MALRD1: variants seen among roughly 807,000 people sequenced by gnomAD.
MALRD1 encodes the protein MAM and LDL-receptor class A domain-containing protein 1.
MALRD1 carries 247 observed loss-of-function variants against 242.1 expected under a neutral mutation model. That is an observed-to-expected ratio of 1.02 (90% CI 0.92 to 1.13). MALRD1 has a LOEUF of 1.13. Among genes scored for constraint, MALRD1 ranks in the 50% most tolerant of loss-of-function variants. The pLI is 0.00. For missense variants in MALRD1, 2,989 were observed against 2,533.1 expected (o/e 1.18, Z -3.86); for synonymous variants, 995 against 866.6 (o/e 1.15, Z -2.60).
chr10:19,532,053 A>G (rs1336445666), intron 32 of MALRD1, among the ~76,000 whole-genome samples: 1 of 152,180 alleles, frequency 6.6e-6, no homozygotes, highest in East Asian at 1.9e-4. Flanking sequence ...TCTGTAAATA[A>G]TAGCAGCTCT....
At chr10:19,536,188 A>G (rs1229693332) in intron 32 of MALRD1, among the ~76,000 whole-genome samples, 1 of 152,062 alleles carries the variant, frequency 6.6e-6, no homozygotes, top group Non-Finnish European at 1.5e-5. Flanking sequence ...TACCCACAAA[A>G]GACGTGAGGA....
intron 28 of MALRD1, among the ~76,000 whole-genome samples, chr10:19,399,036 T>C (rs1846710859): frequency 6.6e-6 from 1 of 152,186 alleles, no homozygotes; most frequent in South Asian, 2.1e-4. Context: ...TCTCTTCAAA[T>C]GTCATAAGTA....
intron 28 of MALRD1, among the ~76,000 whole-genome samples, chr10:19,391,341 G>T (rs1046893882): frequency 4.6e-5 from 7 of 151,996 alleles, no homozygotes; most frequent in Admixed American, 2.6e-4. Flanking sequence ...GAATATTAGG[G>T]CAATCATTTC....
At chr10:19,295,310 C>A (rs1588870308) in intron 21 of MALRD1, among the ~76,000 whole-genome samples, 1 of 152,002 alleles carries the variant, frequency 6.6e-6, no homozygotes, top group African/African-American at 2.4e-5. Flanking sequence ...AGATGTCTGT[C>A]TTTCTATGTG....
intron 36 of MALRD1, among the ~76,000 whole-genome samples, chr10:19,682,489 A>G (rs1478423922): frequency 1.3e-5 from 2 of 152,216 alleles, no homozygotes; most frequent in Non-Finnish European, 1.5e-5. Flanking sequence ...TCATGTTAAG[A>G]AAACAGGCTC....
chr10:19,478,424 C>A (rs974054118), intron 29 of MALRD1, among the ~76,000 whole-genome samples: 3 of 152,152 alleles, frequency 2.0e-5, no homozygotes, highest in Non-Finnish European at 4.4e-5. Flanking sequence ...GTGCACTCCC[C>A]TCTCAATATA....
chr10:19,087,708 A>G, intron 2 of MALRD1, 132 bp from the exon 3 acceptor site: 1 of 423,446 alleles, frequency 2.4e-6, no homozygotes, highest in Non-Finnish European at 4.0e-6. Context: ...CAATCCAATC[A>G]CGCTCTTTTA....
chr10:19,376,509 A>G (rs1011531658), intron 26 of MALRD1, among the ~76,000 whole-genome samples: 26 of 151,942 alleles, frequency 1.7e-4, no homozygotes, highest in African/African-American at 5.8e-4. Context: ...CAATGGAGGA[A>G]AAAATGTTTG....
intron 36 of MALRD1, among the ~76,000 whole-genome samples, chr10:19,653,205 A>T (rs75575073): frequency 0.011 from 1,645 of 150,368 alleles, 46 homozygotes; most frequent in Admixed American, 0.062. Flanking sequence ...TATTATTATT[A>T]TTTTTTTTTG....
chr10:19,624,608 A>C (rs1161574440), intron 36 of MALRD1, among the ~76,000 whole-genome samples: 1 of 151,926 alleles, frequency 6.6e-6, no homozygotes, highest in Non-Finnish European at 1.5e-5. Flanking sequence ...GCTCACACCT[A>C]TAATCCCAGC....
chr10:19,582,266 C>T (rs1837167540), intron 33 of MALRD1, among the ~76,000 whole-genome samples: 1 of 151,848 alleles, frequency 6.6e-6, no homozygotes, highest in South Asian at 2.1e-4. Flanking sequence ...GTTGCCATTG[C>T]TTTTGGTGTT....
At chr10:19,657,661 C>T (rs1209124095) in intron 36 of MALRD1, among the ~76,000 whole-genome samples, 1 of 151,782 alleles carries the variant, frequency 6.6e-6, no homozygotes. Context: ...AATTGGGTAT[C>T]CATCACCTCA....
chr10:19,242,945 G>C (rs1838857597), intron 18 of MALRD1, among the ~76,000 whole-genome samples: 1 of 151,764 alleles, frequency 6.6e-6, no homozygotes, highest in African/African-American at 2.4e-5. Context: ...GATAAATTAG[G>C]ACTTCCTTCT....
chr10:19,080,484 C>A (rs1309426969), intron 2 of MALRD1, among the ~76,000 whole-genome samples: 5 of 152,032 alleles, frequency 3.3e-5, no homozygotes, highest in Non-Finnish European at 7.4e-5. Flanking sequence ...ACCATCTGAA[C>A]TTTGACAAAC....
chr10:19,498,778 G>A (rs1837837825), intron 31 of MALRD1, 132 bp downstream of exon 31: 1 of 1,088,166 alleles, frequency 9.2e-7, no homozygotes, highest in Admixed American at 2.9e-5. Flanking sequence ...TATGGAAAGA[G>A]GGCTAGTCTC....
At chr10:19,499,151 G>T (rs1466311375) in intron 31 of MALRD1, among the ~76,000 whole-genome samples, 1 of 152,092 alleles carries the variant, frequency 6.6e-6, no homozygotes, top group Non-Finnish European at 1.5e-5. Context: ...GTTGCTTTCT[G>T]CCCTGTGATT....
At chr10:19,479,617 A>C (rs1221333947) in intron 29 of MALRD1, among the ~76,000 whole-genome samples, 1 of 152,246 alleles carries the variant, frequency 6.6e-6, no homozygotes, top group Admixed American at 6.5e-5. Context: ...TAAATTCGCC[A>C]TAAGTGCTAG....
intron 31 of MALRD1, among the ~76,000 whole-genome samples, chr10:19,524,267 G>A (rs193002421): frequency 1.2e-4 from 18 of 152,244 alleles, no homozygotes; most frequent in African/African-American, 4.3e-4. Context: ...CCTGAGGTCA[G>A]GAGTTCGAGA....
chr10:19,087,125 A>G lies in MALRD1; in HGVS notation c.341-715A>G, dbSNP rs577781280. Among the ~76,000 whole-genome samples, 38 of 152,168 alleles carry G rather than the reference A, an allele frequency of 2.5e-4. 1 individual carries two copies. The highest frequency in any genetic ancestry group is 2.1e-3 in the Admixed American group (32 of 15,254). ...GTTAGAAGTGATTTCTTTGAAATGCATAAGGTTAGAAAGGGAGCTGGAACT... is the reference window on the plus strand; with the variant it reads ...GTTAGAAGTGATTTCTTTGAAATGCGTAAGGTTAGAAAGGGAGCTGGAACT... On this transcript the variant is annotated intron_variant, in intron 2 of 39. Transcript: ENST00000454679.
Sources: allele counts gnomAD v4.1 joint callset (sites outside exome capture counted in the v4.1 genomes callset), GRCh38; gene constraint gnomAD v4.1.1; transcripts MANE v1.5; gene names NCBI Gene and HGNC (gene_info 2026-07-23, HGNC 2026-07-21).